Variants in PARD3B observed in about 807,000 individuals in gnomAD.
PARD3B encodes partitioning defective 3 homolog B.
In PARD3B, 103 loss-of-function variants were observed where a neutral mutation model predicts 130.2. The ratio of observed to expected loss-of-function variants is 0.79; its 90% CI spans 0.67 to 0.93. The LOEUF is 0.93. Among genes scored for constraint, PARD3B ranks in the 40% least tolerant of loss-of-function variants. PARD3B has a pLI of 0.00. For missense variants in PARD3B, 1,609 were observed against 1,499.2 expected (o/e 1.07, Z -1.21); for synonymous variants, 583 against 553.2 (o/e 1.05, Z -0.76).
intron 18 of PARD3B, among the ~76,000 whole-genome samples, chr2:205,376,064 T>G (rs1286830698): frequency 6.6e-6 from 1 of 152,174 alleles, no homozygotes; most frequent in East Asian, 1.9e-4. Flanking sequence ...TAATAACAAG[T>G]GTTTACTGAC....
chr2:205,388,671 A>G (rs897939091), intron 18 of PARD3B, among the ~76,000 whole-genome samples: 1 of 152,162 alleles, frequency 6.6e-6, no homozygotes, highest in African/African-American at 2.4e-5. Context: ...CTACTTTTAT[A>G]AAACTATATT....
At chr2:204,773,526 TCAA>T (rs1179157968) in intron 2 of PARD3B, among the ~76,000 whole-genome samples, 1 of 152,164 alleles carries the variant, frequency 6.6e-6, no homozygotes, top group Non-Finnish European at 1.5e-5. Flanking sequence ...TTTACAAAAC[TCAA>T]CGTTACTGTA....
chr2:204,902,497 G>A (rs200844392), intron 2 of PARD3B, among the ~76,000 whole-genome samples: 1 of 151,878 alleles, frequency 6.6e-6, no homozygotes, highest in Non-Finnish European at 1.5e-5. Flanking sequence ...GTGAGACCCC[G>A]TCTCTGCTAA....
At position 205,401,019 on chromosome 2, in the gene PARD3B, A is replaced by G; in HGVS notation, c.2637A>G (p.Gly879=). Residue 879 remains glycine (G), a synonymous_variant, in exon 19 of 23, where the codon GGA becomes GGG. Coordinates refer to ENST00000406610, the MANE Select transcript of PARD3B (RefSeq NM_001302769.2). The stretch of plus-strand genomic sequence containing the variant: ...CTCCTTCACGTTTCACTAGATTTGG[A>G]AAGAAGAAAGAGGATAAGGGTGGAA... The part of the protein sequence containing the change: ...KKGFGAMLRF[G]KKKEDKGGKA... 1 of 1,594,744 alleles carries G rather than the reference A, an allele frequency of 6.3e-7. No homozygotes were observed. Among genetic ancestry groups the G allele is most frequent in the Non-Finnish European group, 8.5e-7 (1 of 1,169,818 alleles).
At chr2:204,973,633 CACT>C (rs1006893045) in intron 3 of PARD3B, among the ~76,000 whole-genome samples, 4 of 151,402 alleles carry the variant, frequency 2.6e-5, no homozygotes, top group Non-Finnish European at 5.9e-5. Context: ...AAGGACAAGT[CACT>C]CAGAGTTGGA....
At chr2:205,498,867 C>T (rs916730171) in intron 20 of PARD3B, among the ~76,000 whole-genome samples, 2 of 152,170 alleles carry the variant, frequency 1.3e-5, no homozygotes, top group Admixed American at 6.5e-5. Context: ...AAGCACTCTG[C>T]GTTCCCATGA....
At chr2:204,730,351 G>A (rs929900765) in intron 2 of PARD3B, among the ~76,000 whole-genome samples, 1 of 152,092 alleles carries the variant, frequency 6.6e-6, no homozygotes, top group African/African-American at 2.4e-5. Context: ...TTACAGATGT[G>A]AGCCACCTTG....
intron 2 of PARD3B, among the ~76,000 whole-genome samples, chr2:204,819,111 C>T (rs753800137): frequency 3.9e-5 from 6 of 152,134 alleles, no homozygotes; most frequent in Non-Finnish European, 5.9e-5. Flanking sequence ...TAAGTATTTA[C>T]GTATACATAC....
At position 204,838,676 on chromosome 2, in the gene PARD3B, G is replaced by A. The variant is rs372532506; in HGVS notation, c.223-126476G>A. ...AATCAGTAGGGTGACTGCAGTTTAC[G>A]GAAATGTATATTTCACATAGCTATT... On this transcript the variant is annotated intron_variant, in intron 2 of 22. Coordinates refer to ENST00000406610, the MANE Select transcript of PARD3B (RefSeq NM_001302769.2). Among the ~76,000 whole-genome samples, 44 of 152,072 alleles carry A rather than the reference G, an allele frequency of 2.9e-4. 1 individual carries two copies. Among genetic ancestry groups the A allele is most frequent in the African/African-American group, 9.2e-4 (38 of 41,442 alleles).
chr2:205,337,841 A>C (rs34052106), intron 18 of PARD3B, among the ~76,000 whole-genome samples: 1 of 152,176 alleles, frequency 6.6e-6, no homozygotes, highest in South Asian at 2.1e-4. Context: ...TCAGTGTTCT[A>C]CTTTTTTCTT....
At chr2:205,453,637 C>T (rs2048177424) in intron 20 of PARD3B, among the ~76,000 whole-genome samples, 2 of 152,166 alleles carry the variant, frequency 1.3e-5, no homozygotes, top group Admixed American at 1.3e-4. Context: ...TACTCCAAAA[C>T]TCATGCATGA....
intron 2 of PARD3B, among the ~76,000 whole-genome samples, chr2:204,707,836 TC>T (rs2038247398): frequency 6.6e-6 from 1 of 152,134 alleles, no homozygotes; most frequent in African/African-American, 2.4e-5. Flanking sequence ...AATAAAACCA[TC>T]CTATGAGTTT....
chr2:205,541,056 A>G (rs1359992963), intron 21 of PARD3B, among the ~76,000 whole-genome samples: 1 of 151,970 alleles, frequency 6.6e-6, no homozygotes, highest in South Asian at 2.1e-4. Flanking sequence ...TGAAAGTAAG[A>G]TGCTATATAT....
At chr2:205,080,472 A>T (rs935346801) in intron 4 of PARD3B, among the ~76,000 whole-genome samples, 1 of 152,150 alleles carries the variant, frequency 6.6e-6, no homozygotes, top group African/African-American at 2.4e-5. Context: ...AAAAGGGAAA[A>T]AATAAGAATA....
chr2:204,728,356 A>G (rs1450624785), intron 2 of PARD3B, among the ~76,000 whole-genome samples: 1 of 152,160 alleles, frequency 6.6e-6, no homozygotes, highest in Non-Finnish European at 1.5e-5. Context: ...CAAGGGCTTC[A>G]GGATGGTGTG....
intron 18 of PARD3B, among the ~76,000 whole-genome samples, chr2:205,331,781 T>TAAAAAA (rs2043139577): frequency 4.8e-4 from 1 of 2,084 alleles, no homozygotes; most frequent in Non-Finnish European, 1.2e-3. Flanking sequence ...AGACTCCGTC[T>TAAAAAA]CAAAAAAAAA....
rs796567936 is a variant in PARD3B at position 205,550,955 on chromosome 2, G to GTGTGTATATA, written c.3181-2368_3181-2367insGTGTATATAT. 1.2e-3 allele frequency among the ~76,000 whole-genome samples: 112 copies of GTGTGTATATA among 94,356 alleles called. No individual in the cohort carries two copies. The Middle Eastern group carries it at 0.026, about 22-fold the overall frequency. The allele number at this position is 94,356 out of a possible 152,430, so 61.9% of individuals were successfully genotyped here. A position where few individuals can be genotyped will look rare whatever the true frequency, so the allele number is the denominator to read the frequency against. On this transcript the variant is annotated intron_variant, in intron 21 of 22. Coordinates refer to ENST00000406610, the MANE Select transcript of PARD3B (RefSeq NM_001302769.2). This position sits in a 1 kb window ranked among gnomAD's most constrained non-coding sequence, Gnocchi z 4.5. ...TGTGTGTGTGTGTATATATATATGT[G>GTGTGTATATA]TATATATATATATATATATATACAC...
chr2:205,173,065 T>A, intron 12 of PARD3B, among the ~76,000 whole-genome samples: 1 of 152,074 alleles, frequency 6.6e-6, no homozygotes. Flanking sequence ...CATAAAATAA[T>A]TTTAGAAAAA....
intron 1 of PARD3B, among the ~76,000 whole-genome samples, chr2:204,548,651 A>G (rs978111295): frequency 6.6e-6 from 1 of 152,238 alleles, no homozygotes; most frequent in Non-Finnish European, 1.5e-5. Flanking sequence ...TAACTGCTAT[A>G]TCACATCAAC....
Sources: allele counts gnomAD v4.1 joint callset (sites outside exome capture counted in the v4.1 genomes callset), GRCh38; gene constraint gnomAD v4.1.1; non-coding constraint Gnocchi (gnomAD v3.1); transcripts MANE v1.5; gene names NCBI Gene and HGNC (gene_info 2026-07-23, HGNC 2026-07-21).